Variants in FBXW10B observed in about 807,000 individuals in gnomAD.
The protein encoded by FBXW10B is F-box and WD repeat domain containing 10B.
the FBXW10B span, among the ~76,000 whole-genome samples, chr17:15,613,110 A>G: frequency 7.2e-5 from 4 of 55,884 alleles, no homozygotes; most frequent in Non-Finnish European, 1.1e-4. Context: ...TCTGCTGGGG[A>G]AAAAAAAAAA....
chr17:15,607,159 G>A, the FBXW10B span, among the ~76,000 whole-genome samples: 1 of 150,394 alleles, frequency 6.6e-6, no homozygotes, highest in Non-Finnish European at 1.5e-5. Flanking sequence ...TAGAAGGGTA[G>A]ACATCAATAT....
the FBXW10B span, among the ~76,000 whole-genome samples, chr17:15,592,728 G>A: frequency 6.6e-6 from 1 of 151,786 alleles, no homozygotes; most frequent in East Asian, 1.9e-4. Context: ...GCAAGCAGGG[G>A]CTGCACATTG....
the FBXW10B span, among the ~76,000 whole-genome samples, chr17:15,609,716 T>G: frequency 3.6e-4 from 55 of 152,030 alleles, no homozygotes; most frequent in Non-Finnish European, 7.4e-5. Context: ...ATGCTATTAC[T>G]CACCACCCTG....
At chr17:15,588,997 A>G in the FBXW10B span, 1 of 1,612,600 alleles carries the variant, frequency 6.2e-7, no homozygotes, top group Non-Finnish European at 8.5e-7. Context: ...GAAAAGGATC[A>G]GCATTGCCAA....
chr17:15,619,635 C>G, the FBXW10B span: 1 of 1,508,920 alleles, frequency 6.6e-7, no homozygotes, highest in Non-Finnish European at 8.8e-7. Flanking sequence ...ACAAACGTCT[C>G]CCAGAGCAAA....
chr17:15,596,012 G>A, the FBXW10B span, among the ~76,000 whole-genome samples: 1 of 150,340 alleles, frequency 6.7e-6, no homozygotes, highest in Non-Finnish European at 1.5e-5. Context: ...CCAAGTAGCT[G>A]AGGTTACAAG....
chr17:15,604,577 C>T, the FBXW10B span, among the ~76,000 whole-genome samples: 4 of 152,084 alleles, frequency 2.6e-5, no homozygotes, highest in Non-Finnish European at 4.4e-5. Context: ...CTGTGTCGCC[C>T]AGTCTGGAGT....
the FBXW10B span, among the ~76,000 whole-genome samples, chr17:15,604,250 T>G: frequency 6.6e-6 from 1 of 152,142 alleles, no homozygotes; most frequent in African/African-American, 2.4e-5. Context: ...CATGTAAGAA[T>G]GAGGTACCAA....
the FBXW10B span, among the ~76,000 whole-genome samples, chr17:15,584,264 T>C: frequency 6.6e-6 from 1 of 152,222 alleles, no homozygotes; most frequent in Admixed American, 6.5e-5. Flanking sequence ...AGCCACTGTG[T>C]GTTATAAATA....
the FBXW10B span, among the ~76,000 whole-genome samples, chr17:15,570,253 G>A: frequency 1.3e-5 from 2 of 152,312 alleles, no homozygotes; most frequent in South Asian, 2.1e-4. Context: ...ATTCGGACAG[G>A]AGTGGAGAAT....
the FBXW10B span, among the ~76,000 whole-genome samples, chr17:15,597,186 C>T: frequency 6.6e-6 from 1 of 151,538 alleles, no homozygotes; most frequent in South Asian, 2.1e-4. Flanking sequence ...TTAAATACTT[C>T]TGAATCTGAC....
chr17:15,595,138 G>A, the FBXW10B span, among the ~76,000 whole-genome samples: 7 of 152,160 alleles, frequency 4.6e-5, no homozygotes, highest in East Asian at 1.4e-3. Context: ...TCAGGATATT[G>A]AGACCATCCT....
chr17:15,618,681 C>T, the FBXW10B span, among the ~76,000 whole-genome samples: 3 of 152,198 alleles, frequency 2.0e-5, no homozygotes, highest in East Asian at 3.9e-4. Flanking sequence ...AAAGCAGGAA[C>T]GACACCAGCA....
the FBXW10B span, chr17:15,615,503 C>T: frequency 6.3e-6 from 9 of 1,418,598 alleles, no homozygotes; most frequent in African/African-American, 2.9e-5. Context: ...TTAGTAGAGA[C>T]GGGGTTTCAC....
chr17:15,612,942 G>A, the FBXW10B span: 1 of 1,341,854 alleles, frequency 7.5e-7, no homozygotes, highest in Non-Finnish European at 1.0e-6. Context: ...GTAAGCCCTG[G>A]CTGCAGCAGG....
chr17:15,570,601 A>G, the FBXW10B span, among the ~76,000 whole-genome samples: 3 of 152,242 alleles, frequency 2.0e-5, no homozygotes, highest in Non-Finnish European at 4.4e-5. Context: ...CTAGTATATA[A>G]TAAGGCAAGA....
At chr17:15,597,428 C>A in the FBXW10B span, among the ~76,000 whole-genome samples, 1 of 147,964 alleles carries the variant, frequency 6.8e-6, no homozygotes, top group East Asian at 2.0e-4. Flanking sequence ...GAAATCGAGA[C>A]CAGCCTAGCC....
the FBXW10B span, chr17:15,594,426 T>A: frequency 4.7e-5 from 12 of 254,004 alleles, no homozygotes; most frequent in South Asian, 6.1e-4. Context: ...GAGCCAAGAT[T>A]GCGCCACTGC....
chr17:15,614,828 T>A, the FBXW10B span, among the ~76,000 whole-genome samples: 3 of 152,220 alleles, frequency 2.0e-5, no homozygotes, highest in African/African-American at 7.2e-5. Flanking sequence ...ATATTTCATG[T>A]ATATGTCTTG....
Sources: gnomAD v4.1 joint callset for allele counts (sites outside exome capture counted in the v4.1 genomes callset) on GRCh38, gnomAD v4.1.1 for gene constraint, MANE v1.5 for transcripts, NCBI Gene and HGNC (gene_info 2026-07-23, HGNC 2026-07-21) for gene names.